EXOC6B: variants seen among roughly 807,000 people sequenced by gnomAD.
The protein encoded by EXOC6B is exocyst complex component 6B, also known as SEC15 homolog B.
In EXOC6B, 54 loss-of-function variants were observed where a neutral mutation model predicts 113.5. The ratio of observed to expected loss-of-function variants is 0.48; its 90% CI spans 0.38 to 0.60. The LOEUF is 0.60. EXOC6B is among the 20% of genes least tolerant of loss of function. The pLI, the probability that EXOC6B is intolerant of heterozygous loss-of-function variation, is 0.00. For missense variants in EXOC6B, 797 were observed against 977.5 expected (o/e 0.82, Z 2.46); for synonymous variants, 357 against 339.0 (o/e 1.05, Z -0.58).
intron 18 of EXOC6B, among the ~76,000 whole-genome samples, chr2:72,436,944 C>T (rs926827277): frequency 2.0e-5 from 3 of 152,134 alleles, no homozygotes; most frequent in African/African-American, 4.8e-5. Context: ...TGTTCTCTTG[C>T]TTATGAGGAA....
At position 72,472,671 on chromosome 2, in the gene EXOC6B, T is replaced by C. The variant is rs182509328; in HGVS notation, c.1801-7332A>G. Reference sequence around the variant, plus strand: ...CCGACTTTTTGTTTCATTCATCTTTTCATATTTTTCTTTTCAGTTCTACTA... The same window carrying C: ...CCGACTTTTTGTTTCATTCATCTTTCCATATTTTTCTTTTCAGTTCTACTA... On this transcript the variant is annotated intron_variant, in intron 17 of 21. Coordinates refer to ENST00000272427, the MANE Select transcript of EXOC6B (RefSeq NM_015189.3). Among the ~76,000 whole-genome samples the C allele has an allele frequency of 3.9e-5, 6 of 152,276 alleles. No homozygotes were observed. The East Asian group carries it at 1.2e-3, about 29-fold the overall frequency.
intron 19 of EXOC6B, among the ~76,000 whole-genome samples, chr2:72,375,756 C>T (rs1253683235): frequency 6.6e-6 from 1 of 151,722 alleles, no homozygotes; most frequent in African/African-American, 2.4e-5. Context: ...AAAGAACTAA[C>T]AAAAGAAGAG....
chr2:72,767,974 G>A (rs1416911151), intron 1 of EXOC6B, among the ~76,000 whole-genome samples: 2 of 150,420 alleles, frequency 1.3e-5, no homozygotes, highest in African/African-American at 2.4e-5. Context: ...AAAATTAGAG[G>A]AGAGTAATGT....
intron 14 of EXOC6B, among the ~76,000 whole-genome samples, chr2:72,495,821 G>T (rs1313760955): frequency 1.3e-5 from 2 of 152,092 alleles, no homozygotes; most frequent in Non-Finnish European, 2.9e-5. Flanking sequence ...CAACAATTTG[G>T]ACGAATCTCA....
At chr2:72,637,275 T>C (rs1004797297) in intron 6 of EXOC6B, among the ~76,000 whole-genome samples, 1 of 151,862 alleles carries the variant, frequency 6.6e-6, no homozygotes, top group African/African-American at 2.4e-5. Context: ...AAGCAAAAAT[T>C]GACAAATGGG....
intron 20 of EXOC6B, among the ~76,000 whole-genome samples, chr2:72,189,691 C>T (rs554851221): frequency 6.6e-6 from 1 of 152,088 alleles, no homozygotes; most frequent in South Asian, 2.1e-4. Flanking sequence ...TCTATCTATC[C>T]ATTTGTTATT....
chr2:72,439,529 G>A (rs1696069457), intron 18 of EXOC6B, among the ~76,000 whole-genome samples: 1 of 152,110 alleles, frequency 6.6e-6, no homozygotes, highest in African/African-American at 2.4e-5. Context: ...ACTTGTGACT[G>A]CATTATGAAA....
chr2:72,795,093 G>A (rs1684871813), intron 1 of EXOC6B, among the ~76,000 whole-genome samples: 1 of 152,136 alleles, frequency 6.6e-6, no homozygotes, highest in East Asian at 1.9e-4. Context: ...ATATTTCTGA[G>A]GTACAGAAAG....
At chr2:72,547,602 A>G (rs2105809813) in intron 8 of EXOC6B, among the ~76,000 whole-genome samples, 1 of 152,294 alleles carries the variant, frequency 6.6e-6, no homozygotes, top group South Asian at 2.1e-4. Context: ...GGATGTACAT[A>G]CACCCTTCCA....
chr2:72,757,141 T>C (rs1353404934), intron 1 of EXOC6B, among the ~76,000 whole-genome samples: 2 of 152,202 alleles, frequency 1.3e-5, no homozygotes, highest in Non-Finnish European at 2.9e-5. Flanking sequence ...TGGTTCATAG[T>C]AGATGCTCAA....
At chr2:72,340,209 GAGTT>G (rs1688942628) in intron 19 of EXOC6B, among the ~76,000 whole-genome samples, 1 of 152,166 alleles carries the variant, frequency 6.6e-6, no homozygotes, top group Non-Finnish European at 1.5e-5. Context: ...GGTAGAGTGA[GAGTT>G]AGGAGGGGCC....
chr2:72,512,522 C>T lies in EXOC6B; in HGVS notation c.1167+610G>A, dbSNP rs374604841. On this transcript the variant is annotated intron_variant, in intron 11 of 21. Coordinates refer to ENST00000272427, the MANE Select transcript of EXOC6B (RefSeq NM_015189.3). ...GGATTATCACCAAAAATATATGCCACATTAAAATATATCAATAGATCATGG... is the reference window on the plus strand; with the variant it reads ...GGATTATCACCAAAAATATATGCCATATTAAAATATATCAATAGATCATGG... Among the ~76,000 whole-genome samples the T allele has an allele frequency of 7.2e-5, 11 of 151,998 alleles. No homozygotes were observed. The East Asian group carries it at 1.2e-3, about 16-fold the overall frequency.
At chr2:72,658,452 T>G (rs182267164) in intron 6 of EXOC6B, among the ~76,000 whole-genome samples, 112 of 152,130 alleles carry the variant, frequency 7.4e-4, no homozygotes, top group African/African-American at 2.6e-3. Flanking sequence ...GTGTCATGGC[T>G]GAAGTCTAAG....
chr2:72,649,991 C>T (rs762191035), intron 6 of EXOC6B, among the ~76,000 whole-genome samples: 1 of 152,228 alleles, frequency 6.6e-6, no homozygotes, highest in Non-Finnish European at 1.5e-5. Flanking sequence ...CCACAGGCCA[C>T]GGGCCAGTAC....
intron 7 of EXOC6B, among the ~76,000 whole-genome samples, chr2:72,562,538 C>G (rs1703944470): frequency 6.6e-6 from 1 of 152,148 alleles, no homozygotes; most frequent in Admixed American, 6.5e-5. Context: ...CTAACAATAA[C>G]TTTCTAATGG....
At chr2:72,632,278 A>G (rs1276972938) in intron 6 of EXOC6B, among the ~76,000 whole-genome samples, 1 of 152,178 alleles carries the variant, frequency 6.6e-6, no homozygotes, top group African/African-American at 2.4e-5. Flanking sequence ...ATTTTAAAAG[A>G]CTGAAGAAAA....
chr2:72,413,025 C>A (rs1304162494), intron 18 of EXOC6B, among the ~76,000 whole-genome samples: 1 of 152,064 alleles, frequency 6.6e-6, no homozygotes, highest in African/African-American at 2.4e-5. Flanking sequence ...GTGGCGCGAT[C>A]TCAGCTCACT....
At chr2:72,601,292 C>G (rs991835988) in intron 6 of EXOC6B, among the ~76,000 whole-genome samples, 8 of 152,048 alleles carry the variant, frequency 5.3e-5, no homozygotes, top group African/African-American at 1.9e-4. Context: ...ACACCATTCT[C>G]CTGCCTCAGC....
chr2:72,671,807 GAAAGAAAGAA>G (rs1558903303), intron 6 of EXOC6B, among the ~76,000 whole-genome samples: 5 of 117,232 alleles, frequency 4.3e-5, no homozygotes, highest in African/African-American at 1.5e-4. Flanking sequence ...AAGAAAGAAA[GAAAGAAAGAA>G]AGAAGAGAAA....
Sources: allele counts gnomAD v4.1 joint callset (sites outside exome capture counted in the v4.1 genomes callset), GRCh38; gene constraint gnomAD v4.1.1; transcripts MANE v1.5; gene names NCBI Gene and HGNC (gene_info 2026-07-23, HGNC 2026-07-21).